The following MS4A7 variants were observed in gnomAD, a reference collection of about 807,000 sequenced individuals.
MS4A7 encodes the protein membrane-spanning 4-domains subfamily A member 7.
MS4A7 carries 21 observed loss-of-function variants against 23.5 expected under a neutral mutation model. The observed-to-expected ratio is 0.89, with a 90% CI of 0.63 to 1.29. MS4A7 has a LOEUF of 1.29. MS4A7 is among the 50% of genes most tolerant of loss of function. The probability of loss-of-function intolerance (pLI) is 0.00; values close to 1 mark genes in which losing one functional copy is unlikely to be tolerated. For missense variants in MS4A7, 263 were observed against 274.2 expected (o/e 0.96, Z 0.29); for synonymous variants, 111 against 107.4 (o/e 1.03, Z -0.21).
intron 4 of MS4A7, among the ~76,000 whole-genome samples, chr11:60,388,072 G>A (rs1037523245): frequency 2.0e-5 from 3 of 152,232 alleles, no homozygotes; most frequent in Non-Finnish European, 4.4e-5. Flanking sequence ...TTCTACTCCA[G>A]CTCTGTAGCT....
chr11:60,383,730 G>A lies in MS4A7; in HGVS notation c.147+442G>A, dbSNP rs148895237. ...AATTTTTGTATTCTTAGTAGAGATG[G>A]GGTTTCACCATACTGGCCAGGCTGG... On this transcript the variant is annotated intron_variant, in intron 2 of 6. Coordinates refer to ENST00000300184, the MANE Select transcript of MS4A7 (RefSeq NM_021201.5). The A allele has an allele frequency of 1.0e-2, 1,522 of 152,418 alleles. 30 individuals carry two copies. Among genetic ancestry groups the A allele is most frequent in the African/African-American group, 0.034 (1,411 of 41,502 alleles). 9.4% of individuals were successfully genotyped at this position (152,418 alleles called of 1,614,324 possible). A position where few individuals can be genotyped will look rare whatever the true frequency, so the allele number is the denominator to read the frequency against.
At chr11:60,393,733 T>G in intron 6 of MS4A7, 54 bp from the exon 7 acceptor site, 2 of 1,445,272 alleles carry the variant, frequency 1.4e-6, no homozygotes, top group East Asian at 2.3e-5. Context: ...GAGTTATCTT[T>G]TTTAATCTCC....
At chr11:60,391,383 T>C (rs2135107565) in intron 5 of MS4A7, among the ~76,000 whole-genome samples, 1 of 152,302 alleles carries the variant, frequency 6.6e-6, no homozygotes, top group South Asian at 2.1e-4. Context: ...TAAGGAGATG[T>C]CCGTAAACCC....
chr11:60,384,815 T>A (rs1339802525), intron 2 of MS4A7, among the ~76,000 whole-genome samples: 1 of 152,148 alleles, frequency 6.6e-6, no homozygotes, highest in Non-Finnish European at 1.5e-5. Flanking sequence ...GAAAATAAAT[T>A]TAAAAACTGT....
At chr11:60,385,361 C>G in intron 3 of MS4A7, 139 bp downstream of exon 3, 1 of 873,314 alleles carries the variant, frequency 1.1e-6, no homozygotes, top group South Asian at 1.7e-5. Context: ...CATTGCCCCA[C>G]GTCACATTTC....
At chr11:60,391,730 C>T (rs1192179038) in intron 5 of MS4A7, among the ~76,000 whole-genome samples, 2 of 151,874 alleles carry the variant, frequency 1.3e-5, no homozygotes, top group Admixed American at 6.6e-5. Flanking sequence ...ACCAGCCTGG[C>T]CAACATGGTG....
intron 5 of MS4A7, 52 bp from the exon 6 acceptor site, chr11:60,392,633 G>T (rs1386136147): frequency 1.4e-6 from 2 of 1,431,388 alleles, no homozygotes; most frequent in East Asian, 4.6e-5. Flanking sequence ...TCTTAGCCAG[G>T]CACAAGGGCT....
rs767711717 is a variant in MS4A7, at chr11:60,389,553, T to C, written c.503T>C (p.Ile168Thr). The C allele has an allele frequency of 8.7e-6, 14 of 1,613,954 alleles. No homozygotes were observed. The highest frequency in any genetic ancestry group is 1.1e-5 in the Non-Finnish European group (13 of 1,179,964). The change falls in exon 5 of 7, where the codon ATA becomes ACA. Residue 168 changes from isoleucine (I) to threonine (T), a missense_variant. Coordinates refer to ENST00000300184, the MANE Select transcript of MS4A7 (RefSeq NM_021201.5). The part of the protein sequence containing the change: ...SLPYSEYYYP[I>T]YEIKDCLLTS... ...CCTTATTCGGAGTACTATTATCCAA[T>C]ATATGAAATCAAAGATTGTCTCCTG...
At chr11:60,393,612 TA>T (rs2135111059) in intron 6 of MS4A7, among the ~76,000 whole-genome samples, 174 bp from the exon 7 acceptor site, 1 of 152,360 alleles carries the variant, frequency 6.6e-6, no homozygotes, top group African/African-American at 2.4e-5. Context: ...AATAGTAAAA[TA>T]ATTAGCAGAC....
chr11:60,391,546 C>T (rs1412474362), intron 5 of MS4A7, among the ~76,000 whole-genome samples: 1 of 152,024 alleles, frequency 6.6e-6, no homozygotes, highest in East Asian at 1.9e-4. Flanking sequence ...GTCAGAAGCT[C>T]AAGAATTGGA....
At chr11:60,389,063 G>A (rs2085520652) in intron 4 of MS4A7, 1 of 224,682 alleles carries the variant, frequency 4.5e-6, no homozygotes, top group African/African-American at 2.3e-5. Context: ...TAAGGCTATT[G>A]AGGAAGTCAT....
At chr11:60,383,760 G>A (rs1480805612) in intron 2 of MS4A7, 1 of 152,212 alleles carries the variant, frequency 6.6e-6, no homozygotes, top group African/African-American at 2.4e-5. Flanking sequence ...GGCTGGTCTT[G>A]AACTCCTGAC....
At chr11:60,382,447 G>A (rs560330759) in intron 1 of MS4A7, among the ~76,000 whole-genome samples, 2 of 152,280 alleles carry the variant, frequency 1.3e-5, no homozygotes, top group Non-Finnish European at 2.9e-5. Flanking sequence ...TTAGCCCCAG[G>A]TTTCTAATGT....
intron 4 of MS4A7, among the ~76,000 whole-genome samples, chr11:60,388,839 A>G (rs1173048251): frequency 6.6e-6 from 1 of 152,250 alleles, no homozygotes; most frequent in African/African-American, 2.4e-5. Context: ...GTCATATTGA[A>G]CAAATATTGA....
chr11:60,393,859 T>G lies in MS4A7; in HGVS notation c.721T>G (p.Ter241GluextTer20). The G allele has an allele frequency of 6.2e-7, 1 of 1,605,218 alleles. No individual in the cohort carries two copies. The highest frequency in any genetic ancestry group is 8.5e-7 in the Non-Finnish European group (1 of 1,176,054). The change falls in exon 7 of 7, where the codon TAA (stop) becomes GAA (glutamate). Residue 241 changes from the stop codon to glutamate (E), a stop_lost. Coordinates refer to ENST00000300184, the MANE Select transcript of MS4A7 (RefSeq NM_021201.5). ...VKKSSSRSWI[*>E] The stretch of plus-strand genomic sequence containing the variant: ...AAAGAGTTCTTCACGGTCTTGGATA[T>G]AAGTAACTCTTGGCCTCAGAGGAAG...
At chr11:60,389,049 A>C (rs2085520428) in intron 4 of MS4A7, 1 of 207,788 alleles carries the variant, frequency 4.8e-6, no homozygotes, top group Non-Finnish European at 9.7e-6. Flanking sequence ...CAACAGAATG[A>C]TTCTAAGGCT....
In MS4A7 at chr11:60,393,953, T is replaced by G. The variant is rs1043540027; in HGVS notation, c.*92T>G. 8 of 732,906 alleles carry G rather than the reference T, an allele frequency of 1.1e-5. No individual in the cohort carries two copies. The South Asian group carries it at 2.0e-4, about 19-fold the overall frequency. The allele number at this position is 732,906 out of a possible 1,614,324, so 45.4% of individuals were successfully genotyped here. ...CTGAAATCTCTGCCATTTTAGATAC[T>G]GTGAAACAAACTAAAAAAAAAAAAG... On this transcript the variant is annotated 3_prime_UTR_variant, in exon 7 of 7. Transcript: ENST00000300184.
chr11:60,386,075 C>A (rs1224779728), intron 3 of MS4A7, among the ~76,000 whole-genome samples: 1 of 152,204 alleles, frequency 6.6e-6, no homozygotes, highest in Non-Finnish European at 1.5e-5. Flanking sequence ...TCATACTGGA[C>A]CCTCTTTGCC....
At position 60,395,508 on chromosome 11, in the gene MS4A7, C is replaced by T. The variant is rs1254607368; in HGVS notation, c.*1647C>T. On this transcript the variant is annotated 3_prime_UTR_variant, in exon 7 of 7. Coordinates refer to ENST00000300184, the MANE Select transcript of MS4A7 (RefSeq NM_021201.5). ...ATGAAACAATTTACCTTCATGATCT[C>T]ATAGTTAAAATTGTAATAAATTTAG... The T allele has an allele frequency of 2.0e-5, 3 of 152,018 alleles. No homozygotes were observed. The highest frequency in any genetic ancestry group is 7.3e-5 in the African/African-American group (3 of 41,376). 9.4% of individuals were successfully genotyped at this position (152,018 alleles called of 1,614,324 possible). A position where few individuals can be genotyped will look rare whatever the true frequency, so the allele number is the denominator to read the frequency against.
Sources: gnomAD v4.1 joint callset for allele counts (sites outside exome capture counted in the v4.1 genomes callset) on GRCh38, gnomAD v4.1.1 for gene constraint, MANE v1.5 for transcripts, NCBI Gene and HGNC (gene_info 2026-07-23, HGNC 2026-07-21) for gene names.